Variants in NTM observed in about 807,000 individuals in gnomAD.
NTM encodes the protein neurotrimin, also known as IgLON family member 2.
In NTM, 13 loss-of-function variants were observed where a neutral mutation model predicts 42.1. That is an observed-to-expected ratio of 0.31 (90% CI 0.20 to 0.49). NTM has a LOEUF of 0.49. Ranked by LOEUF, NTM falls within the 20% of genes least tolerant of loss-of-function variation. The probability of loss-of-function intolerance (pLI) is 0.99; values close to 1 mark genes in which losing one functional copy is unlikely to be tolerated. For missense variants in NTM, 373 were observed against 452.8 expected, an observed-to-expected ratio of 0.82 and a Z score of 1.60; for synonymous variants, 187 against 179.2, an observed-to-expected ratio of 1.04 and a Z score of -0.35.
At chr11:132,191,848 A>C (rs1300514693) in intron 3 of NTM, among the ~76,000 whole-genome samples, 2 of 152,228 alleles carry the variant, frequency 1.3e-5, no homozygotes, top group African/African-American at 4.8e-5. Flanking sequence ...GGAAATTAAA[A>C]ATTTACTATA....
At chr11:132,230,196 G>A (rs573250927) in intron 4 of NTM, among the ~76,000 whole-genome samples, 2 of 152,254 alleles carry the variant, frequency 1.3e-5, no homozygotes, top group South Asian at 2.1e-4. Context: ...GATTGGAGGG[G>A]GACATGCTGA....
At chr11:132,189,683 T>C (rs2078994059) in intron 3 of NTM, among the ~76,000 whole-genome samples, 1 of 151,096 alleles carries the variant, frequency 6.6e-6, no homozygotes, top group African/African-American at 2.5e-5. Context: ...CACACGATAC[T>C]TGAGTGCCTT....
At chr11:131,510,062 C>T (rs2048030662) in intron 1 of NTM, among the ~76,000 whole-genome samples, 1 of 152,140 alleles carries the variant, frequency 6.6e-6, no homozygotes, top group African/African-American at 2.4e-5. Context: ...AGCTGAGCTC[C>T]TGGCGGTGCC....
intron 2 of NTM, chr11:131,981,291 T>C (rs2065194456): frequency 6.6e-6 from 1 of 152,224 alleles, no homozygotes; most frequent in Admixed American, 6.5e-5. Flanking sequence ...TTCCAGGTTG[T>C]GTAGCTTTTA....
chr11:131,622,518 C>T (rs950191119), intron 1 of NTM, among the ~76,000 whole-genome samples: 1 of 152,118 alleles, frequency 6.6e-6, no homozygotes, highest in African/African-American at 2.4e-5. Context: ...ATTAATATTT[C>T]ATTTATTACC....
chr11:132,204,520 G>A (rs1211415856), intron 3 of NTM, among the ~76,000 whole-genome samples: 2 of 152,176 alleles, frequency 1.3e-5, no homozygotes, highest in Non-Finnish European at 2.9e-5. Context: ...GGGGTTTGAG[G>A]AAGCCTTCTG....
chr11:131,411,747 C>T (rs138443707), intron 1 of NTM, among the ~76,000 whole-genome samples: 76 of 152,244 alleles, frequency 5.0e-4, no homozygotes, highest in East Asian at 9.7e-4. Context: ...GCCTTTCCGC[C>T]CACCATGCCA....
chr11:131,967,650 C>A (rs901597431), intron 2 of NTM, among the ~76,000 whole-genome samples: 1 of 152,156 alleles, frequency 6.6e-6, no homozygotes, highest in Non-Finnish European at 1.5e-5. Flanking sequence ...ATCACCAGAT[C>A]AATAGAGAAG....
intron 4 of NTM, among the ~76,000 whole-genome samples, chr11:132,304,126 G>A (rs1170395454): frequency 2.0e-5 from 3 of 152,170 alleles, no homozygotes; most frequent in Non-Finnish European, 4.4e-5. Context: ...CTTTGTGGAG[G>A]GCTTTGATAA....
intron 2 of NTM, among the ~76,000 whole-genome samples, chr11:131,981,738 C>T (rs541153970): frequency 3.9e-5 from 6 of 152,088 alleles, no homozygotes; most frequent in South Asian, 2.1e-4. Flanking sequence ...AGGCCTGGTG[C>T]GGTGGCTTAT....
chr11:132,314,941 T>C (rs1305522814), intron 7 of NTM: 12 of 1,260,518 alleles, frequency 9.5e-6, no homozygotes, highest in Non-Finnish European at 1.1e-5. Flanking sequence ...TACAAAGTAG[T>C]ATATGTATAG....
chr11:131,717,375 T>A (rs899326000), intron 1 of NTM, among the ~76,000 whole-genome samples: 8 of 152,192 alleles, frequency 5.3e-5, no homozygotes, highest in Non-Finnish European at 1.5e-5. Context: ...TTAGTATATG[T>A]CTCTATTTAT....
At chr11:132,099,048 A>C (rs534959597) in intron 2 of NTM, among the ~76,000 whole-genome samples, 30 of 152,372 alleles carry the variant, frequency 2.0e-4, no homozygotes, top group Non-Finnish European at 3.7e-4. Flanking sequence ...CTGCCTGCAG[A>C]AGCCGCTGCT....
intron 1 of NTM, among the ~76,000 whole-genome samples, chr11:131,754,765 C>T (rs896931880): frequency 2.0e-5 from 3 of 152,126 alleles, no homozygotes; most frequent in Admixed American, 6.5e-5. Flanking sequence ...TTTATATTAG[C>T]CAAATTTGAA....
At chr11:131,953,941 C>T (rs1231693617) in intron 2 of NTM, among the ~76,000 whole-genome samples, 2 of 152,244 alleles carry the variant, frequency 1.3e-5, no homozygotes, top group South Asian at 2.1e-4. Flanking sequence ...GAAAGCCAGC[C>T]TTTCTTTCCC....
intron 1 of NTM, among the ~76,000 whole-genome samples, chr11:131,852,930 CCATCCATCCACCCACCCATT>C (rs1222896792): frequency 6.6e-6 from 1 of 150,588 alleles, no homozygotes; most frequent in East Asian, 2.0e-4. Flanking sequence ...ACCCACCCAT[CCATCCATCCACCCACCCATT>C]CATCCACTCA....
intron 1 of NTM, among the ~76,000 whole-genome samples, chr11:131,514,956 C>T (rs408101): frequency 6.6e-6 from 1 of 151,996 alleles, no homozygotes; most frequent in African/African-American, 2.4e-5. Flanking sequence ...GTCACTCAGG[C>T]TGGAGTGCAT....
intron 1 of NTM, among the ~76,000 whole-genome samples, chr11:131,724,942 G>T (rs979743578): frequency 6.6e-6 from 1 of 152,208 alleles, no homozygotes; most frequent in Non-Finnish European, 1.5e-5. Flanking sequence ...AGTCAGGGGA[G>T]TGAGGGGCTC....
rs138761455 is a variant in NTM at position 131,838,598 on chromosome 11, G to A, written c.83-72966G>A. ...GCCAGTATCCAGGGTCAATATGGAA[G>A]TGATCAATGGAAAATATGGAACAGA... is the stretch of plus-strand genomic sequence containing the variant. On this transcript the variant is annotated intron_variant, in intron 1 of 8. Transcript: ENST00000683400. Among the ~76,000 whole-genome samples the A allele has an allele frequency of 3.1e-3, 469 of 152,290 alleles. 5 individuals carry two copies. The highest frequency in any genetic ancestry group is 0.01 in the African/African-American group (434 of 41,550).
Sources: gnomAD v4.1 joint callset for allele counts (sites outside exome capture counted in the v4.1 genomes callset) on GRCh38, gnomAD v4.1.1 for gene constraint, MANE v1.5 for transcripts, NCBI Gene and HGNC (gene_info 2026-07-23, HGNC 2026-07-21) for gene names.